The following SLC43A2 variants were observed in gnomAD, a reference collection of about 807,000 sequenced individuals.
The protein encoded by SLC43A2 is large neutral amino acids transporter small subunit 4.
A neutral mutation model predicts 63.2 loss-of-function variants in SLC43A2; 38 were observed. That is an observed-to-expected ratio of 0.60 (90% confidence interval 0.46 to 0.79). The LOEUF is 0.79. SLC43A2 is among the 30% of genes least tolerant of loss of function. The probability of loss-of-function intolerance (pLI) is 0.00; values close to 1 mark genes in which losing one functional copy is unlikely to be tolerated. For missense variants in SLC43A2, 644 were observed against 756.2 expected (o/e 0.85, Z 1.74); for synonymous variants, 322 against 331.0 (o/e 0.97, Z 0.30).
intron 5 of SLC43A2, among the ~76,000 whole-genome samples, chr17:1,597,824 A>G (rs1364326722): frequency 6.6e-6 from 1 of 152,188 alleles, no homozygotes; most frequent in African/African-American, 2.4e-5. Context: ...AGAAAAAAGA[A>G]AAAGAAAAGA....
At chr17:1,622,556 C>T (rs1356453991) in intron 2 of SLC43A2, among the ~76,000 whole-genome samples, 4 of 146,714 alleles carry the variant, frequency 2.7e-5, no homozygotes, top group Non-Finnish European at 6.0e-5. Flanking sequence ...CAGAGCAAGA[C>T]TCTGTCTCAA....
intron 11 of SLC43A2, among the ~76,000 whole-genome samples, chr17:1,580,833 T>C (rs1347209912): frequency 6.6e-6 from 1 of 151,378 alleles, no homozygotes; most frequent in African/African-American, 2.4e-5. Context: ...CGGGGTGCAG[T>C]GAGCCGAGAT....
At position 1,578,493 on chromosome 17, in the gene SLC43A2, C is replaced by A; in HGVS notation, c.1351-170G>T. 7.2e-6 allele frequency: 4 copies of A among 557,322 alleles called. No individual in the cohort carries two copies. The highest frequency in any genetic ancestry group is 4.8e-5 in the South Asian group (2 of 41,606). The allele number at this position is 557,322 out of a possible 1,614,324, so 34.5% of individuals were successfully genotyped here. A position where few individuals can be genotyped will look rare whatever the true frequency, so the allele number is the denominator to read the frequency against. On this transcript the variant is annotated intron_variant, in intron 11 of 13. Coordinates refer to ENST00000301335, the MANE Select transcript of SLC43A2 (RefSeq NM_152346.3). The surrounding 1 kb of genome is among the most constrained non-coding windows in gnomAD (Gnocchi z 6.5). ...ATTTTCAGAAATTTTGCAAGCCAGT[C>A]GTTAACACAGTCATTTTTTGTTTGT... is the stretch of plus-strand genomic sequence containing the variant.
At chr17:1,628,498 G>T (rs1033901987) in intron 1 of SLC43A2, among the ~76,000 whole-genome samples, 1 of 152,088 alleles carries the variant, frequency 6.6e-6, no homozygotes, top group Non-Finnish European at 1.5e-5. Flanking sequence ...AGGTCGCTAG[G>T]CGCTGCGGCC....
At chr17:1,586,928 T>TGGGCCCCCCCCCCCCCCCCAACC in intron 9 of SLC43A2, 1 of 1,232,914 alleles carries the variant, frequency 8.1e-7, no homozygotes, top group Non-Finnish European at 1.1e-6. Context: ...TCCCTGACAA[T>TGGGCCCCCCCCCCCCCCCCAACC]CCCCCCCACC....
intron 5 of SLC43A2, chr17:1,604,618 C>T (rs1906409055): frequency 1.9e-6 from 2 of 1,037,626 alleles, no homozygotes; most frequent in South Asian, 1.5e-5. Flanking sequence ...AACTCATCTG[C>T]CCACCTCAGC....
intron 3 of SLC43A2, chr17:1,616,348 G>T (rs985702330): frequency 3.5e-6 from 2 of 565,720 alleles, no homozygotes; most frequent in South Asian, 2.4e-5. Context: ...GCGGCCTGGA[G>T]CCTGGAGCTT....
intron 4 of SLC43A2, 117 bp from the exon 5 acceptor site, chr17:1,613,388 G>T: frequency 1.2e-6 from 1 of 822,296 alleles, no homozygotes. Flanking sequence ...ACGCAGGCCG[G>T]GGTTAGTACC....
At chr17:1,626,075 T>TA (rs565366070) in intron 2 of SLC43A2, among the ~76,000 whole-genome samples, 98 of 146,036 alleles carry the variant, frequency 6.7e-4, no homozygotes, top group African/African-American at 1.9e-3. Flanking sequence ...CATGGTGGGT[T>TA]AAAAAAAAAA....
chr17:1,601,435 G>T (rs748396804), intron 5 of SLC43A2, among the ~76,000 whole-genome samples: 11 of 152,066 alleles, frequency 7.2e-5, no homozygotes, highest in Non-Finnish European at 1.6e-4. Context: ...AGCCAGAGAG[G>T]CACACGGCCT....
intron 2 of SLC43A2, among the ~76,000 whole-genome samples, chr17:1,625,061 G>T (rs1227969198): frequency 6.6e-6 from 1 of 152,162 alleles, no homozygotes; most frequent in Non-Finnish European, 1.5e-5. Flanking sequence ...GAAGCCCCGT[G>T]CTTCTCGGGC....
rs760592707 is a variant in SLC43A2, at chr17:1,583,316, T to C, written c.1238A>G (p.Lys413Arg). Residue 413 changes from lysine to arginine, a missense_variant, in exon 11 of 14, where the codon AAG (lysine) becomes AGG (arginine). Coordinates refer to ENST00000301335, the MANE Select transcript of SLC43A2 (RefSeq NM_152346.3). This position sits in a 1 kb window ranked among gnomAD's most constrained non-coding sequence, Gnocchi z 5.5. ...GATCTTCTGGATCTGCCGGTCCCGC[T>C]TCTTCTTTTTCTTCTCGCCTCTGTG... is the stretch of plus-strand genomic sequence containing the variant. ...DANQGEKKKK[K>R]RDRQIQKITN... 5.6e-6 allele frequency: 9 copies of C among 1,614,016 alleles called. No homozygotes were observed. Among genetic ancestry groups the C allele is most frequent in the South Asian group, 2.2e-5 (2 of 91,074 alleles).
rs143739047 is a variant in SLC43A2 at position 1,591,340 on chromosome 17, G to A, written c.860C>T (p.Ala287Val). 4.2e-5 allele frequency: 68 copies of A among 1,609,948 alleles called. No homozygotes were observed. In the Middle Eastern group the frequency reaches 9.9e-4, roughly 23 times the overall value. ...SSMRSAKEQVALQEGHKLCLS... is the reference protein window; with the variant it reads ...SSMRSAKEQVVLQEGHKLCLS... Reference sequence around the variant, plus strand: ...GCACAGCTTGTGGCCCTCCTGCAGCGCCACCTGCTCCTTGGCACTCCTCAT... The same window carrying A: ...GCACAGCTTGTGGCCCTCCTGCAGCACCACCTGCTCCTTGGCACTCCTCAT... Residue 287 changes from alanine to valine, a missense_variant, in exon 8 of 14, where the codon GCG becomes GTG. Ala to Val is a moderately conservative substitution (Grantham distance 64). This residue lies in a region of SLC43A2 where 528 missense variants were observed against 623.6 expected (regional missense o/e 0.85). Coordinates refer to ENST00000301335, the MANE Select transcript of SLC43A2 (RefSeq NM_152346.3).
rs185589097 is a variant in SLC43A2, at chr17:1,599,298, C to G, written c.502-6019G>C. ...GAGGTTGCAATGAGCCAAGATCATG[C>G]CACTGCACTCCAGCCTGGCGACAGA... On this transcript the variant is annotated intron_variant, in intron 5 of 13. Coordinates refer to ENST00000301335, the MANE Select transcript of SLC43A2 (RefSeq NM_152346.3). Among the ~76,000 whole-genome samples the G allele has an allele frequency of 1.3e-3, 191 of 152,068 alleles. 1 individual carries two copies. Among genetic ancestry groups the G allele is most frequent in the African/African-American group, 4.4e-3 (183 of 41,452 alleles).
intron 11 of SLC43A2, among the ~76,000 whole-genome samples, chr17:1,582,014 A>AG (rs2076025006): frequency 6.7e-6 from 1 of 150,014 alleles, no homozygotes; most frequent in Non-Finnish European, 1.5e-5. Context: ...ACCATTTTGG[A>AG]TAGGCTAGTC....
intron 4 of SLC43A2, among the ~76,000 whole-genome samples, 161 bp downstream of exon 4, chr17:1,614,818 A>G (rs1208217914): frequency 6.6e-6 from 1 of 152,000 alleles, no homozygotes; most frequent in Non-Finnish European, 1.5e-5. Flanking sequence ...CTCGCCGTCT[A>G]TTTGAGATAA....
At position 1,591,318 on chromosome 17, in the gene SLC43A2, C is replaced by A. The variant is rs201960057; in HGVS notation, c.882G>T (p.Leu294=). The A allele has an allele frequency of 6.2e-7, 1 of 1,608,416 alleles. No homozygotes were observed. The highest frequency in any genetic ancestry group is 8.5e-7 in the Non-Finnish European group (1 of 1,179,944). The part of the protein sequence containing the change: ...EQVALQEGHK[L]CLSTVDLEVK... ...CCTCCAGGTCGACGGTGGACAGGCA[C>A]AGCTTGTGGCCCTCCTGCAGCGCCA... Residue 294 remains leucine (L), a synonymous_variant, in exon 8 of 14, where the codon CTG becomes CTT. Transcript: ENST00000301335.
intron 9 of SLC43A2, chr17:1,586,928 T>TCA: frequency 2.4e-6 from 3 of 1,232,916 alleles, no homozygotes; most frequent in Non-Finnish European, 2.2e-6. Context: ...TCCCTGACAA[T>TCA]CCCCCCCACC....
At chr17:1,579,002 G>A (rs888333611) in intron 11 of SLC43A2, among the ~76,000 whole-genome samples, 5 of 152,026 alleles carry the variant, frequency 3.3e-5, no homozygotes, top group Middle Eastern at 3.4e-3. Context: ...TTAGCTGGGC[G>A]TGGTGGTGGG....
Sources: gnomAD v4.1 joint callset for allele counts (sites outside exome capture counted in the v4.1 genomes callset) on GRCh38, gnomAD v4.1.1 for gene constraint, gnomAD v4.1.1 regional missense constraint, Gnocchi (gnomAD v3.1) non-coding constraint, MANE v1.5 for transcripts, NCBI Gene and HGNC (gene_info 2026-07-23, HGNC 2026-07-21) for gene names.